MNAT1: variants seen among roughly 807,000 people sequenced by gnomAD.
MNAT1 encodes CDK-activating kinase assembly factor MAT1.
MNAT1 carries 43 observed loss-of-function variants against 42.0 expected under a neutral mutation model. The ratio of observed to expected loss-of-function variants is 1.02; its 90% CI spans 0.80 to 1.32. MNAT1 has a LOEUF of 1.32. Among genes scored for constraint, MNAT1 ranks in the 40% most tolerant of loss-of-function variants. MNAT1 has a pLI of 0.00. For synonymous variants in MNAT1, 118 were observed against 120.0 expected, an observed-to-expected ratio of 0.98 and a Z score of 0.11; for missense variants, 306 against 350.4, an observed-to-expected ratio of 0.87 and a Z score of 1.01.
At chr14:60,881,614 A>G (rs760901960) in intron 7 of MNAT1, among the ~76,000 whole-genome samples, 18 of 151,908 alleles carry the variant, frequency 1.2e-4, no homozygotes, top group South Asian at 6.2e-4. Flanking sequence ...GAAAAATTAT[A>G]TATATTTAAG....
intron 7 of MNAT1, among the ~76,000 whole-genome samples, chr14:60,882,723 C>T (rs1425676912): frequency 6.6e-6 from 1 of 151,970 alleles, no homozygotes; most frequent in Non-Finnish European, 1.5e-5. Context: ...TTTCTTTTTT[C>T]CACATCCTCT....
intron 1 of MNAT1, among the ~76,000 whole-genome samples, chr14:60,774,420 A>G (rs1445896023): frequency 6.6e-6 from 1 of 152,192 alleles, no homozygotes; most frequent in Admixed American, 6.5e-5. Flanking sequence ...CAGGTCATGT[A>G]GTATCTTCAA....
chr14:60,887,560 A>T (rs937811060), intron 7 of MNAT1, among the ~76,000 whole-genome samples: 2 of 151,894 alleles, frequency 1.3e-5, no homozygotes, highest in African/African-American at 2.4e-5. Context: ...AAAGGACATG[A>T]ACTCATCATT....
chr14:60,793,718 T>C (rs2140324172), intron 1 of MNAT1, among the ~76,000 whole-genome samples: 1 of 152,142 alleles, frequency 6.6e-6, no homozygotes, highest in South Asian at 2.1e-4. Context: ...ATTTTGTAAA[T>C]ATGTAGAAAA....
At chr14:60,843,046 G>A (rs2033591633) in intron 6 of MNAT1, among the ~76,000 whole-genome samples, 1 of 152,308 alleles carries the variant, frequency 6.6e-6, no homozygotes, top group South Asian at 2.1e-4. Context: ...CAATTCTCTT[G>A]TTGGGGAATA....
chr14:60,836,107 A>T (rs562970946), intron 6 of MNAT1, among the ~76,000 whole-genome samples: 2 of 152,156 alleles, frequency 1.3e-5, no homozygotes, highest in South Asian at 2.1e-4. Flanking sequence ...GTTCTTCTTT[A>T]AACTGCTTAT....
chr14:60,808,106 T>C (rs2032433841), intron 3 of MNAT1, among the ~76,000 whole-genome samples: 1 of 152,082 alleles, frequency 6.6e-6, no homozygotes, highest in African/African-American at 2.4e-5. Context: ...TTTAGGTATT[T>C]TGTGCGAGTC....
rs563330113 is a variant in MNAT1, at chr14:60,860,318, T to G, written c.688-19396T>G. Among the ~76,000 whole-genome samples the G allele has an allele frequency of 1.1e-3, 165 of 151,786 alleles. 1 individual carries two copies. Among genetic ancestry groups the G allele is most frequent in the Non-Finnish European group, 1.7e-3 (118 of 67,936 alleles). On this transcript the variant is annotated intron_variant, in intron 6 of 7. Coordinates refer to ENST00000261245, the MANE Select transcript of MNAT1 (RefSeq NM_002431.4). Reference sequence around the variant, plus strand: ...CCTTTAAATTTATTTATTTAATTCTTTACAAGTAAAACTGAGACTTTTTTC... The same window carrying G: ...CCTTTAAATTTATTTATTTAATTCTGTACAAGTAAAACTGAGACTTTTTTC...
In MNAT1 at chr14:60,936,970, T is replaced by C. The variant is rs530880208; in HGVS notation, c.810-31259T>C. 2.8e-3 allele frequency among the ~76,000 whole-genome samples: 425 copies of C among 151,990 alleles called. 1 individual carries two copies. Among genetic ancestry groups the C allele is most frequent in the Non-Finnish European group, 3.2e-3 (216 of 68,022 alleles). ...GTGGTTTTGATTTGCATTTCTCTGA[T>C]GGCCAGTGATGCTGAGCATTTTTTC... is the stretch of plus-strand genomic sequence containing the variant. On this transcript the variant is annotated intron_variant, in intron 7 of 7. Transcript: ENST00000261245.
At chr14:60,820,030 A>ACATAG (rs2032834143) in intron 6 of MNAT1, among the ~76,000 whole-genome samples, 1 of 152,164 alleles carries the variant, frequency 6.6e-6, no homozygotes. Flanking sequence ...TCATTTTTAT[A>ACATAG]CATAGTTTTA....
At chr14:60,864,685 G>C (rs930633478) in intron 6 of MNAT1, among the ~76,000 whole-genome samples, 5 of 152,022 alleles carry the variant, frequency 3.3e-5, no homozygotes, top group African/African-American at 1.2e-4. Flanking sequence ...AATTTCAGGT[G>C]AGAAGGGTAT....
At chr14:60,812,906 T>G (rs2032597763) in intron 5 of MNAT1, among the ~76,000 whole-genome samples, 1 of 152,182 alleles carries the variant, frequency 6.6e-6, no homozygotes, top group African/African-American at 2.4e-5. Context: ...GACCTCATTC[T>G]TCTTGGATGC....
At chr14:60,927,354 A>G (rs1182620495) in intron 7 of MNAT1, among the ~76,000 whole-genome samples, 1 of 152,188 alleles carries the variant, frequency 6.6e-6, no homozygotes, top group South Asian at 2.1e-4. Context: ...ACTTTTAAAA[A>G]CTTTATTGAA....
At chr14:60,814,233 T>A (rs1366330434) in intron 5 of MNAT1, among the ~76,000 whole-genome samples, 2 of 152,042 alleles carry the variant, frequency 1.3e-5, no homozygotes, top group African/African-American at 4.8e-5. Flanking sequence ...AATAGCGGGG[T>A]TTTTGCAAAT....
At chr14:60,856,506 A>G (rs566789382) in intron 6 of MNAT1, among the ~76,000 whole-genome samples, 2 of 152,248 alleles carry the variant, frequency 1.3e-5, no homozygotes, top group Non-Finnish European at 2.9e-5. Context: ...CCGGAACAAC[A>G]TATTTTTCAG....
chr14:60,901,013 CAAAAAAA>C (rs56345746), intron 7 of MNAT1, among the ~76,000 whole-genome samples: 1 of 36,558 alleles, frequency 2.7e-5, no homozygotes, highest in African/African-American at 1.2e-4. Flanking sequence ...GAGCCTGTCT[CAAAAAAA>C]AAAAAAAAAA....
At position 60,931,961 on chromosome 14, in the gene MNAT1, C is replaced by G. The variant is rs148741236; in HGVS notation, c.810-36268C>G. On this transcript the variant is annotated intron_variant, in intron 7 of 7. Transcript: ENST00000261245. ...TTGAGAATTAAGTGTGTTATTTGTC[C>G]ATTGAATTAAGTTTGTGTGTAAATA... 2.0e-3 allele frequency among the ~76,000 whole-genome samples: 301 copies of G among 151,628 alleles called. 1 individual carries two copies. Among genetic ancestry groups the G allele is most frequent in the African/African-American group, 6.4e-3 (267 of 41,398 alleles).
At chr14:60,908,783 ACATGAG>A (rs1411305990) in intron 7 of MNAT1, among the ~76,000 whole-genome samples, 1 of 152,266 alleles carries the variant, frequency 6.6e-6, no homozygotes, top group African/African-American at 2.4e-5. Flanking sequence ...CAGTAAACAT[ACATGAG>A]CATGTGTCTT....
chr14:60,783,228 G>A (rs556593993), intron 1 of MNAT1, among the ~76,000 whole-genome samples: 8 of 152,268 alleles, frequency 5.3e-5, no homozygotes, highest in African/African-American at 1.7e-4. Context: ...AAGCTGTGGG[G>A]TTTGGCTAGA....
Sources: gnomAD v4.1 joint callset for allele counts (sites outside exome capture counted in the v4.1 genomes callset) on GRCh38, gnomAD v4.1.1 for gene constraint, MANE v1.5 for transcripts, NCBI Gene and HGNC (gene_info 2026-07-23, HGNC 2026-07-21) for gene names.